The following BMPR1B variants were observed in gnomAD, a reference collection of about 807,000 sequenced individuals.
The protein encoded by BMPR1B is bone morphogenetic protein receptor type-1B.
BMPR1B carries 12 observed loss-of-function variants against 59.1 expected under a neutral mutation model. The observed-to-expected ratio is 0.20, with a 90% CI of 0.13 to 0.33. The LOEUF (loss-of-function observed/expected upper bound fraction) is 0.33, where lower values mean the gene tolerates loss of function less well. BMPR1B is among the 10% of genes least tolerant of loss of function. The pLI is 1.00. For synonymous variants in BMPR1B, 237 were observed against 207.3 expected (o/e 1.14, Z -1.23); for missense variants, 550 against 610.9 (o/e 0.90, Z 1.05).
At chr4:94,869,129 C>G (rs1452342734) in intron 1 of BMPR1B, among the ~76,000 whole-genome samples, 2 of 135,474 alleles carry the variant, frequency 1.5e-5, no homozygotes, top group Non-Finnish European at 3.3e-5. Flanking sequence ...CACACACACA[C>G]ACACACACAC....
At chr4:94,804,052 G>A (rs34618938) in intron 1 of BMPR1B, among the ~76,000 whole-genome samples, 47,589 of 151,566 alleles carry the variant, frequency 0.31, 8,064 homozygotes, top group African/African-American at 0.44. Flanking sequence ...CTAATTTTTT[G>A]TATTTTTAGT....
chr4:95,139,671 C>T (rs1261739358), intron 10 of BMPR1B, among the ~76,000 whole-genome samples: 2 of 152,194 alleles, frequency 1.3e-5, no homozygotes, highest in Non-Finnish European at 2.9e-5. Flanking sequence ...GACTGCTGTG[C>T]TAGCAATGAG....
chr4:95,051,921 A>C (rs1726534710), intron 3 of BMPR1B: 1 of 673,918 alleles, frequency 1.5e-6, no homozygotes, highest in East Asian at 3.0e-5. Flanking sequence ...CTGTAATTTT[A>C]CTACTTTCTC....
chr4:94,774,199 T>C lies in BMPR1B; in HGVS notation c.-183+16131T>C, dbSNP rs533424654. 1.2e-4 allele frequency among the ~76,000 whole-genome samples: 18 copies of C among 152,224 alleles called. No homozygotes were observed. The South Asian group carries it at 3.7e-3, about 32-fold the overall frequency. The stretch of plus-strand genomic sequence containing the variant: ...TCAGTATTTGCTAACTGGAAAATTA[T>C]ATTTATCAAGCTAACTAAAATACAA... On this transcript the variant is annotated intron_variant, in intron 1 of 12. Coordinates refer to ENST00000515059, the MANE Select transcript of BMPR1B (RefSeq NM_001203.3).
At chr4:95,099,763 T>G (rs1472188438) in intron 3 of BMPR1B, among the ~76,000 whole-genome samples, 1 of 152,196 alleles carries the variant, frequency 6.6e-6, no homozygotes, top group Admixed American at 6.5e-5. Context: ...TTCATCTGTA[T>G]CTCTAAATAA....
chr4:94,982,477 T>A (rs1721143085), intron 2 of BMPR1B, among the ~76,000 whole-genome samples: 2 of 152,220 alleles, frequency 1.3e-5, no homozygotes, highest in Admixed American at 1.3e-4. Context: ...GGCTGCATTA[T>A]CAGAATTACA....
chr4:94,758,882 C>T (rs35418611), intron 1 of BMPR1B, among the ~76,000 whole-genome samples: 12,919 of 151,922 alleles, frequency 0.085, 691 homozygotes, highest in African/African-American at 0.15. Flanking sequence ...CCTCCTCTGT[C>T]CCTTCATCCT....
At chr4:95,125,782 T>C (rs1732863128) in intron 8 of BMPR1B, among the ~76,000 whole-genome samples, 1 of 152,178 alleles carries the variant, frequency 6.6e-6, no homozygotes, top group Non-Finnish European at 1.5e-5. Flanking sequence ...TGTGGAGTTC[T>C]TTCTCCAAAA....
chr4:94,830,203 AG>A (rs1308737529), intron 1 of BMPR1B, among the ~76,000 whole-genome samples: 3 of 152,128 alleles, frequency 2.0e-5, no homozygotes, highest in Non-Finnish European at 2.9e-5. Context: ...CAGCTTCAAA[AG>A]GGAAAATTCA....
intron 3 of BMPR1B, among the ~76,000 whole-genome samples, chr4:95,075,020 G>A (rs1215077319): frequency 3.3e-5 from 5 of 152,050 alleles, no homozygotes. Flanking sequence ...AAAATTTGTA[G>A]TCTTGTTGAT....
intron 1 of BMPR1B, among the ~76,000 whole-genome samples, chr4:94,837,305 T>C (rs1483832478): frequency 6.7e-6 from 1 of 149,580 alleles, no homozygotes; most frequent in Non-Finnish European, 1.5e-5. Flanking sequence ...AGAAAGGCAT[T>C]GGTAGCTTGA....
chr4:94,844,653 T>C (rs1198121428), intron 1 of BMPR1B, among the ~76,000 whole-genome samples: 2 of 136,136 alleles, frequency 1.5e-5, no homozygotes, highest in African/African-American at 6.0e-5. Flanking sequence ...CTGTCTTCTT[T>C]ATGTCTGCCT....
intron 10 of BMPR1B, among the ~76,000 whole-genome samples, chr4:95,144,115 T>G (rs1734454670): frequency 6.6e-6 from 1 of 152,140 alleles, no homozygotes; most frequent in Non-Finnish European, 1.5e-5. Flanking sequence ...TCTCATTAAT[T>G]TCTTACTCAG....
chr4:95,079,323 T>G (rs959019932), intron 3 of BMPR1B, among the ~76,000 whole-genome samples: 7 of 152,172 alleles, frequency 4.6e-5, no homozygotes, highest in African/African-American at 1.4e-4. Context: ...TCAAGAAAAC[T>G]TTATCACGTG....
At position 95,154,601 on chromosome 4, in the gene BMPR1B, A is replaced by G. The variant is rs770888722; in HGVS notation, c.1437A>G (p.Ala479=). 2 of 1,614,160 alleles carry G rather than the reference A, an allele frequency of 1.2e-6. No individual in the cohort carries two copies. Among genetic ancestry groups the G allele is most frequent in the Non-Finnish European group, 1.7e-6 (2 of 1,179,976 alleles). The stretch of plus-strand genomic sequence containing the variant: ...CAGAATGCTGGGCTCACAATCCTGC[A>G]TCAAGGCTGACAGCCCTGCGGGTTA... ...LMTECWAHNP[A]SRLTALRVKK... The change falls in exon 13 of 13, where the codon GCA becomes GCG. Residue 479 remains alanine, a synonymous_variant. Transcript: ENST00000515059.
intron 1 of BMPR1B, among the ~76,000 whole-genome samples, chr4:94,765,005 G>A (rs1330062136): frequency 6.6e-6 from 1 of 152,042 alleles, no homozygotes; most frequent in African/African-American, 2.4e-5. Context: ...GAGTAACGGG[G>A]GGACTATCAT....
intron 2 of BMPR1B, among the ~76,000 whole-genome samples, chr4:94,911,379 T>C (rs930568359): frequency 6.8e-6 from 1 of 147,614 alleles, no homozygotes; most frequent in Non-Finnish European, 1.5e-5. Context: ...TTTTAAAACA[T>C]AGAAGAAGCT....
At chr4:94,856,042 A>G (rs912655011) in intron 1 of BMPR1B, among the ~76,000 whole-genome samples, 19 of 152,252 alleles carry the variant, frequency 1.2e-4, no homozygotes, top group Non-Finnish European at 2.6e-4. Flanking sequence ...GAATACAACA[A>G]CAAAAAAGAC....
chr4:94,892,669 T>C (rs933619072), intron 2 of BMPR1B, among the ~76,000 whole-genome samples: 5 of 152,050 alleles, frequency 3.3e-5, no homozygotes, highest in African/African-American at 1.2e-4. Context: ...GAACTGGACC[T>C]TTAAAGACCC....
Sources: gnomAD v4.1 joint callset for allele counts (sites outside exome capture counted in the v4.1 genomes callset) on GRCh38, gnomAD v4.1.1 for gene constraint, MANE v1.5 for transcripts, NCBI Gene and HGNC (gene_info 2026-07-23, HGNC 2026-07-21) for gene names.